Variants in PLEKHG1 observed in about 807,000 individuals in gnomAD.
PLEKHG1 encodes pleckstrin homology and RhoGEF domain containing G1.
In PLEKHG1, 44 loss-of-function variants were observed where a neutral mutation model predicts 100.8. The observed-to-expected ratio is 0.44, with a 90% CI of 0.34 to 0.56. The LOEUF is 0.56. Ranked by LOEUF, PLEKHG1 falls within the 20% of genes least tolerant of loss-of-function variation. The pLI is 0.01. For missense variants in PLEKHG1, 1,545 were observed against 1,720.9 expected, an observed-to-expected ratio of 0.90 and a Z score of 1.81; for synonymous variants, 640 against 662.5, an observed-to-expected ratio of 0.97 and a Z score of 0.52.
chr6:150,730,632 G>C (rs55638134), intron 1 of PLEKHG1, among the ~76,000 whole-genome samples: 27,138 of 152,098 alleles, frequency 0.18, 3,743 homozygotes, highest in African/African-American at 0.38. Flanking sequence ...GCCAGAGGCA[G>C]TGGCTCACAC....
chr6:150,759,281 C>T (rs767466093), intron 2 of PLEKHG1, among the ~76,000 whole-genome samples: 1 of 152,084 alleles, frequency 6.6e-6, no homozygotes, highest in Non-Finnish European at 1.5e-5. Context: ...CAGTGGGTAC[C>T]GCATGTGAAT....
intron 4 of PLEKHG1, among the ~76,000 whole-genome samples, chr6:150,786,959 C>T (rs1478416537): frequency 7.2e-6 from 1 of 138,608 alleles, no homozygotes; most frequent in Non-Finnish European, 1.5e-5. Flanking sequence ...GCCCAGGAGG[C>T]GGAGGTTGCA....
intron 3 of PLEKHG1, among the ~76,000 whole-genome samples, chr6:150,681,907 G>A (rs1161522304): frequency 6.6e-6 from 1 of 152,182 alleles, no homozygotes; most frequent in African/African-American, 2.4e-5. Context: ...TCCAGGCAGT[G>A]ATCCTTTAAA....
intron 2 of PLEKHG1, among the ~76,000 whole-genome samples, chr6:150,763,024 C>CTTCTTTTTTTTTTTTTTTTTTTT (rs1784252828): frequency 1.3e-5 from 1 of 76,504 alleles, no homozygotes; most frequent in East Asian, 4.9e-4. Flanking sequence ...GATAAAGCTT[C>CTTCTTTTTTTTTTTTTTTTTTTT]TTTTTTTTTT....
rs59430978 is a variant in PLEKHG1, at chr6:150,727,604, CA to C, written c.-98-5969del. Among the ~76,000 whole-genome samples, 308 of 144,372 alleles carry C rather than the reference CA, an allele frequency of 2.1e-3. 1 individual carries two copies. Among genetic ancestry groups the C allele is most frequent in the Middle Eastern group, 3.5e-3 (1 of 282 alleles). The allele number at this position is 144,372 out of a possible 152,430, so 94.7% of individuals were successfully genotyped here. Reference sequence around the variant, plus strand: ...TCTTTTCCTTTTATTAAGGATGGCACAAAAAAAAAAAGAATATTTTATTTGG... The same window carrying C: ...TCTTTTCCTTTTATTAAGGATGGCACAAAAAAAAAAGAATATTTTATTTGG... On this transcript the variant is annotated intron_variant, in intron 1 of 15. Coordinates refer to ENST00000358517, the Ensembl canonical transcript of PLEKHG1.
chr6:150,644,168 T>C lies in PLEKHG1; in HGVS notation c.-158+6043T>C, dbSNP rs147203193. 2.7e-3 allele frequency among the ~76,000 whole-genome samples: 413 copies of C among 152,240 alleles called. 2 individuals carry two copies. The highest frequency in any genetic ancestry group is 9.7e-3 in the African/African-American group (403 of 41,530). ...CCCTTCCTACTTTGGTCAGCCAGTTTCCATTGTGAATTCTGTAGCTGGTGG... is the reference window on the plus strand; with the variant it reads ...CCCTTCCTACTTTGGTCAGCCAGTTCCCATTGTGAATTCTGTAGCTGGTGG... On this transcript the variant is annotated intron_variant, in intron 2 of 3. Coordinates refer to the PLEKHG1 transcript ENST00000367326.
chr6:150,690,146 C>G (rs1228093499), intron 3 of PLEKHG1, among the ~76,000 whole-genome samples: 1 of 152,116 alleles, frequency 6.6e-6, no homozygotes, highest in Non-Finnish European at 1.5e-5. Context: ...CCTGGCTGCT[C>G]AACAGTGTGA....
chr6:150,773,339 G>A (rs528344160), intron 3 of PLEKHG1, among the ~76,000 whole-genome samples: 10 of 152,192 alleles, frequency 6.6e-5, no homozygotes, highest in African/African-American at 1.2e-4. Context: ...CTTGAGACCC[G>A]CCTGGCTAAT....
At chr6:150,719,154 G>GGAC (rs1781558761), upstream of PLEKHG1, among the ~76,000 whole-genome samples, 1 of 152,120 alleles carries the variant, frequency 6.6e-6, no homozygotes, top group African/African-American at 2.4e-5. Context: ...CTGTCCTTCA[G>GGAC]GACTGTCACT....
chr6:150,823,997 C>T (rs1776448755), intron 14 of PLEKHG1, among the ~76,000 whole-genome samples: 1 of 152,188 alleles, frequency 6.6e-6, no homozygotes, highest in Non-Finnish European at 1.5e-5. Context: ...TGAGCCACCT[C>T]ACATTGTCCT....
In PLEKHG1 at chr6:150,734,017, C is replaced by T. The variant is rs761175250; in HGVS notation, c.336C>T (p.Leu112=). ...ACTCGGCCACGAGCCCCAAGCTCCTCTATGTGGATAGAGTTGTTCAGGAAA... is the reference window on the plus strand; with the variant it reads ...ACTCGGCCACGAGCCCCAAGCTCCTTTATGTGGATAGAGTTGTTCAGGAAA... Residue 112 remains leucine, a synonymous_variant, in exon 2 of 16, where the codon CTC becomes CTT. Transcript: ENST00000358517. 1.3e-5 allele frequency: 21 copies of T among 1,614,160 alleles called. 1 individual carries two copies. The highest frequency in any genetic ancestry group is 8.9e-5 in the East Asian group (4 of 44,874).
intron 10 of PLEKHG1, among the ~76,000 whole-genome samples, chr6:150,813,312 A>AC (rs1194589003): frequency 6.6e-6 from 1 of 151,564 alleles, no homozygotes; most frequent in Admixed American, 6.6e-5. Flanking sequence ...CTCAAAAAAA[A>AC]AAAAAAACAA....
At chr6:150,693,188 T>C (rs1780409765) in intron 3 of PLEKHG1, among the ~76,000 whole-genome samples, 1 of 152,142 alleles carries the variant, frequency 6.6e-6, no homozygotes, top group African/African-American at 2.4e-5. Context: ...CTCGGGAGGC[T>C]GAGACAGGAG....
chr6:150,618,547 A>C (rs1451321458), intron 1 of PLEKHG1, among the ~76,000 whole-genome samples: 3 of 152,254 alleles, frequency 2.0e-5, no homozygotes, highest in Non-Finnish European at 2.9e-5. Context: ...TTTGTCTAGT[A>C]TCTCTACCAC....
At chr6:150,613,395 G>A (rs553950885) in intron 1 of PLEKHG1, among the ~76,000 whole-genome samples, 2 of 148,278 alleles carry the variant, frequency 1.3e-5, no homozygotes, top group East Asian at 4.1e-4. Context: ...CAGAGACTTT[G>A]TGTGGCTATG....
At chr6:150,641,964 CA>C (rs1355819531) in intron 2 of PLEKHG1, among the ~76,000 whole-genome samples, 8 of 111,158 alleles carry the variant, frequency 7.2e-5, no homozygotes, top group African/African-American at 2.5e-4. Flanking sequence ...TTTTTTTTTT[CA>C]AGTGATGTAA....
At chr6:150,777,761 TCACA>T (rs886579374) in intron 3 of PLEKHG1, among the ~76,000 whole-genome samples, 60 of 149,684 alleles carry the variant, frequency 4.0e-4, no homozygotes, top group African/African-American at 1.5e-3. Context: ...TGCACACTAC[TCACA>T]CTGATGCAAT....
At chr6:150,686,906 A>G (rs1780156838) in intron 3 of PLEKHG1, 1 of 152,684 alleles carries the variant, frequency 6.5e-6, no homozygotes, top group South Asian at 2.1e-4. Context: ...GGCTTTGGTC[A>G]GAGGATGGAG....
chr6:150,600,094 A>G lies in PLEKHG1; in HGVS notation c.-204+77A>G. On this transcript the variant is annotated intron_variant, in intron 1 of 3. Coordinates refer to the PLEKHG1 transcript ENST00000367326. The surrounding 1 kb of genome is among the most constrained non-coding windows in gnomAD (Gnocchi z 6.2). ...GGGGGACCCGGGGACCTCCGGCGGG[A>G]GCCCCACATCCGCAGGTGGGGCCGG... 5.8e-6 allele frequency: 1 copy of G among 173,304 alleles called. No homozygotes were observed. The highest frequency in any genetic ancestry group is 7.6e-5 in the South Asian group (1 of 13,192). The allele number at this position is 173,304 out of a possible 1,614,324, so 10.7% of individuals were successfully genotyped here.
Sources: allele counts gnomAD v4.1 joint callset (sites outside exome capture counted in the v4.1 genomes callset), GRCh38; gene constraint gnomAD v4.1.1; non-coding constraint Gnocchi (gnomAD v3.1); transcripts MANE v1.5; gene names NCBI Gene and HGNC (gene_info 2026-07-23, HGNC 2026-07-21).